The following KIAA1217 variants were observed in gnomAD, a reference collection of about 807,000 sequenced individuals.
The protein encoded by KIAA1217 is KIAA1217, also known as sickle tail protein homolog.
In KIAA1217, 88 loss-of-function variants were observed where a neutral mutation model predicts 163.9. That is an observed-to-expected ratio of 0.54 (90% CI 0.45 to 0.64). KIAA1217 has a LOEUF of 0.64. KIAA1217 is among the 30% of genes least tolerant of loss of function. The pLI, the probability that KIAA1217 is intolerant of heterozygous loss-of-function variation, is 0.00. For missense variants in KIAA1217, 2,372 were observed against 2,475.0 expected (o/e 0.96, Z 0.88); for synonymous variants, 903 against 923.1 (o/e 0.98, Z 0.39).
chr10:24,478,475 G>A (rs1440201892), intron 6 of KIAA1217, among the ~76,000 whole-genome samples: 1 of 152,142 alleles, frequency 6.6e-6, no homozygotes, highest in Non-Finnish European at 1.5e-5. Flanking sequence ...GTGATGGTAG[G>A]GGTCTCCTAC....
chr10:23,934,489 C>T (rs1453567968), intron 1 of KIAA1217, among the ~76,000 whole-genome samples: 2 of 132,020 alleles, frequency 1.5e-5, no homozygotes, highest in African/African-American at 6.3e-5. Context: ...GCACATGTAT[C>T]TCATTTTCTT....
chr10:23,739,819 C>T (rs1419244527), intron 1 of KIAA1217, among the ~76,000 whole-genome samples: 1 of 152,162 alleles, frequency 6.6e-6, no homozygotes, highest in Non-Finnish European at 1.5e-5. Context: ...CTGGCAATTA[C>T]AGCAGGTGGG....
chr10:23,915,769 C>A (rs185229246), intron 1 of KIAA1217, among the ~76,000 whole-genome samples: 21 of 152,214 alleles, frequency 1.4e-4, no homozygotes, highest in African/African-American at 5.1e-4. Context: ...AAGGCAGGGC[C>A]GATGACCAGA....
At chr10:24,160,322 T>C (rs551672188) in intron 2 of KIAA1217, among the ~76,000 whole-genome samples, 11 of 152,260 alleles carry the variant, frequency 7.2e-5, no homozygotes, top group African/African-American at 2.6e-4. Flanking sequence ...AAAATGATAT[T>C]TTAGCAATAT....
chr10:24,010,359 A>G (rs758765416), intron 2 of KIAA1217, among the ~76,000 whole-genome samples: 8 of 152,128 alleles, frequency 5.3e-5, no homozygotes, highest in Non-Finnish European at 1.0e-4. Context: ...TGCTCTATAA[A>G]TATTACTTTC....
intron 6 of KIAA1217, among the ~76,000 whole-genome samples, chr10:24,480,107 C>T (rs7476409): frequency 0.015 from 2,268 of 152,342 alleles, 31 homozygotes; most frequent in Middle Eastern, 0.034. Context: ...CAAATACCAA[C>T]TACCAATCCT....
intron 1 of KIAA1217, among the ~76,000 whole-genome samples, chr10:24,217,708 G>C (rs188415280): frequency 4.9e-4 from 74 of 152,310 alleles, no homozygotes; most frequent in Admixed American, 2.4e-3. Flanking sequence ...TGCAAAACTA[G>C]TGTGAAGGAT....
At chr10:23,917,569 C>A (rs1842679817) in intron 1 of KIAA1217, among the ~76,000 whole-genome samples, 1 of 152,192 alleles carries the variant, frequency 6.6e-6, no homozygotes, top group Non-Finnish European at 1.5e-5. Context: ...AGAACTCTGA[C>A]TGTGCGAGTG....
rs1260856624 is a variant in KIAA1217, at chr10:24,211,585, GTATTGTATTTTATTT to G, written c.70+2327_70+2341del. On this transcript the variant is annotated intron_variant, in intron 1 of 20. Transcript: ENST00000376454. ...GTATTGTATTGTATTGTATTGTATT[GTATTGTATTTTATTT>G]TATTTTAGAGAAGGGGTCTTGCTAT... Among the ~76,000 whole-genome samples, 210 of 139,554 alleles carry G rather than the reference GTATTGTATTTTATTT, an allele frequency of 1.5e-3. 2 individuals are homozygous for G. The highest frequency in any genetic ancestry group is 5.3e-3 in the African/African-American group (202 of 38,108). The allele number at this position is 139,554 out of a possible 152,430, so 91.6% of individuals were successfully genotyped here.
chr10:24,117,419 T>C (rs1340660798), intron 2 of KIAA1217, among the ~76,000 whole-genome samples: 1 of 152,002 alleles, frequency 6.6e-6, no homozygotes, highest in Non-Finnish European at 1.5e-5. Flanking sequence ...GTGGGAGGAT[T>C]GCTTGAGCCC....
Position 24,432,933 on chromosome 10 carries a change from G to C in KIAA1217, c.554-62G>C, listed in dbSNP as rs1018386431. The stretch of plus-strand genomic sequence containing the variant: ...AGTGCAGCAGGAAAGAAGTGGCTCA[G>C]CTTGTGCTGTGTGTCCCCTGAGTCT... On this transcript the variant is annotated intron_variant, in intron 3 of 20. Coordinates refer to ENST00000376454, the MANE Select transcript of KIAA1217 (RefSeq NM_019590.5). The C allele has an allele frequency of 1.1e-5, 15 of 1,375,880 alleles. No individual in the cohort carries two copies. In the Admixed American group the frequency reaches 1.8e-4, roughly 16 times the overall value. The allele number at this position is 1,375,880 out of a possible 1,614,324, so 85.2% of individuals were successfully genotyped here. A position where few individuals can be genotyped will look rare whatever the true frequency, so the allele number is the denominator to read the frequency against.
intron 1 of KIAA1217, among the ~76,000 whole-genome samples, chr10:23,746,755 G>A (rs2150801): frequency 0.19 from 29,508 of 152,014 alleles, 2,993 homozygotes; most frequent in Middle Eastern, 0.25. Context: ...AATGGACTAA[G>A]AGACATTCTA....
chr10:24,061,968 T>G (rs1249421805), intron 2 of KIAA1217, among the ~76,000 whole-genome samples: 3 of 152,106 alleles, frequency 2.0e-5, no homozygotes, highest in Non-Finnish European at 4.4e-5. Flanking sequence ...TTGAATAAGC[T>G]TTCCGATTCT....
chr10:24,466,758 C>T (rs902525161), intron 5 of KIAA1217: 10 of 985,334 alleles, frequency 1.0e-5, no homozygotes, highest in Middle Eastern at 5.2e-4. Context: ...TTACTCACGG[C>T]GTTAGTTACA....
intron 2 of KIAA1217, among the ~76,000 whole-genome samples, chr10:24,167,969 A>C (rs2065435550): frequency 6.6e-6 from 1 of 152,194 alleles, no homozygotes; most frequent in Non-Finnish European, 1.5e-5. Context: ...TTGCCCATCC[A>C]TGAGAGCAGA....
chr10:24,054,886 T>C (rs548934924), intron 2 of KIAA1217, among the ~76,000 whole-genome samples: 7 of 152,260 alleles, frequency 4.6e-5, no homozygotes, highest in African/African-American at 1.7e-4. Flanking sequence ...ACATACAGTA[T>C]TATAATCTAA....
At chr10:24,022,824 C>T (rs1017816535) in intron 2 of KIAA1217, among the ~76,000 whole-genome samples, 1 of 151,190 alleles carries the variant, frequency 6.6e-6, no homozygotes, top group Non-Finnish European at 1.5e-5. Flanking sequence ...GAAATTATGA[C>T]TATCCCAAAA....
At chr10:23,980,265 T>C (rs920585296) in intron 1 of KIAA1217, among the ~76,000 whole-genome samples, 34 of 152,180 alleles carry the variant, frequency 2.2e-4, no homozygotes, top group African/African-American at 7.7e-4. Context: ...CTGAGTGTGC[T>C]GACAGGTTTC....
chr10:24,500,397 CGTGTGT>C (rs10667719), intron 8 of KIAA1217, among the ~76,000 whole-genome samples: 4 of 125,856 alleles, frequency 3.2e-5, no homozygotes, highest in African/African-American at 8.8e-5. Flanking sequence ...AGAGTGTGTG[CGTGTGT>C]GTGTGTGTGT....
Sources: allele counts gnomAD v4.1 joint callset (sites outside exome capture counted in the v4.1 genomes callset), GRCh38; gene constraint gnomAD v4.1.1; transcripts MANE v1.5; gene names NCBI Gene and HGNC (gene_info 2026-07-23, HGNC 2026-07-21).